Variants in PCYT1B observed in about 807,000 individuals in gnomAD.
PCYT1B encodes the protein phosphate cytidylyltransferase 1B, choline, also known as choline-phosphate cytidylyltransferase B.
In PCYT1B, 10 loss-of-function variants were observed where a neutral mutation model predicts 26.4. The ratio of observed to expected loss-of-function variants is 0.38; its 90% CI spans 0.23 to 0.64. The LOEUF (loss-of-function observed/expected upper bound fraction) is 0.64. PCYT1B is among the 30% of genes least tolerant of loss of function. The pLI, the probability that PCYT1B is intolerant of heterozygous loss-of-function variation, is 0.56. For synonymous variants in PCYT1B, 131 were observed against 108.4 expected, an observed-to-expected ratio of 1.21 and a Z score of -1.29; for missense variants, 161 against 292.7, an observed-to-expected ratio of 0.55 and a Z score of 3.28.
intron 5 of PCYT1B, among the ~76,000 whole-genome samples, chrX:24,580,530 T>C (rs1488336834): frequency 8.9e-6 from 1 of 112,151 alleles, no homozygotes; most frequent in Admixed American, 9.5e-5. Flanking sequence ...TCAAAGGCCC[T>C]TTCATCTAGA....
intron 1 of PCYT1B, among the ~76,000 whole-genome samples, chrX:24,629,588 AAAC>A (rs1285793683): frequency 1.2e-4 from 12 of 97,485 alleles, no homozygotes; most frequent in African/African-American, 2.8e-4. Flanking sequence ...AAAAAAAAAA[AAAC>A]AACACGTATT....
Position 24,562,020 on chromosome X carries a change from C to T in PCYT1B, c.*273G>A, listed in dbSNP as rs917899176. 9 of 1,085,537 alleles carry T rather than the reference C, an allele frequency of 8.3e-6. No homozygotes were observed. The highest frequency in any genetic ancestry group is 1.1e-5 in the Non-Finnish European group (9 of 784,701). The allele number at this position is 1,085,537 out of a possible 1,213,427, so 89.5% of individuals were successfully genotyped here. On this transcript the variant is annotated 3_prime_UTR_variant, in exon 8 of 8. Coordinates refer to ENST00000379144, the MANE Select transcript of PCYT1B (RefSeq NM_004845.5). ...CATCAGTGCAAGTCTCTCTAGGGAACTCTGCATCCTTCCTTAGCAAGGTTA... is the reference window on the plus strand; with the variant it reads ...CATCAGTGCAAGTCTCTCTAGGGAATTCTGCATCCTTCCTTAGCAAGGTTA...
rs758820882 is a variant in PCYT1B at position 24,624,246 on chromosome X, G to A, written c.118-5162C>T. Among the ~76,000 whole-genome samples the A allele has an allele frequency of 8.0e-5, 9 of 111,868 alleles. No individual in the cohort carries two copies. In the South Asian group the frequency reaches 1.1e-3, roughly 14 times the overall value. On this transcript the variant is annotated intron_variant, in intron 1 of 7. Transcript: ENST00000379144. ...GGCCTCCCAAAGTGCTGGGATTACAGGCATGAGCCACCGCGCCCGGCCAAG... is the reference window on the plus strand; with the variant it reads ...GGCCTCCCAAAGTGCTGGGATTACAAGCATGAGCCACCGCGCCCGGCCAAG...
intron 3 of PCYT1B, 77 bp downstream of exon 3, chrX:24,607,668 G>A (rs1985910152): frequency 1.9e-6 from 1 of 530,249 alleles, no homozygotes; most frequent in Non-Finnish European, 3.2e-6. Flanking sequence ...TTTTACTGAT[G>A]GAACTCTGAA....
intron 3 of PCYT1B, among the ~76,000 whole-genome samples, chrX:24,594,260 A>G (rs753917819): frequency 2.7e-5 from 3 of 111,538 alleles, no homozygotes; most frequent in Non-Finnish European, 5.6e-5. Flanking sequence ...AGGGACAGGT[A>G]GTAGGGCCAT....
Position 24,575,125 on chromosome X carries a change from C to T in PCYT1B, c.897+5G>A. On this transcript the variant is annotated splice_donor_5th_base_variant and intron_variant, in intron 7 of 7. Coordinates refer to ENST00000379144, the MANE Select transcript of PCYT1B (RefSeq NM_004845.5). The stretch of plus-strand genomic sequence containing the variant: ...ATTGTGGGGTAAAGTGAAATCATTA[C>T]ATACCCATGCTCCATCAGGTCCAAA... 1 of 1,169,121 alleles carries T rather than the reference C, an allele frequency of 8.6e-7. No individual in the cohort carries two copies. Among genetic ancestry groups the T allele is most frequent in the Non-Finnish European group, 1.1e-6 (1 of 872,595 alleles).
At chrX:24,661,049 CT>C (rs35384577) in intron 1 of PCYT1B, among the ~76,000 whole-genome samples, 2 of 111,383 alleles carry the variant, frequency 1.8e-5, no homozygotes, top group African/African-American at 6.5e-5. Flanking sequence ...TTATATTATC[CT>C]TTTTAAAAAA....
intron 3 of PCYT1B, among the ~76,000 whole-genome samples, chrX:24,602,261 A>G (rs1924992185): frequency 8.9e-6 from 1 of 112,327 alleles, no homozygotes; most frequent in Admixed American, 9.5e-5. Context: ...TACATGCTGT[A>G]TAATTCTAAT....
chrX:24,595,700 T>C (rs936122776), intron 3 of PCYT1B, among the ~76,000 whole-genome samples: 7 of 110,034 alleles, frequency 6.4e-5, no homozygotes, highest in African/African-American at 2.0e-4. Flanking sequence ...GCCAACATGG[T>C]GAAACCCCGT....
At chrX:24,602,361 T>C (rs184628214) in intron 3 of PCYT1B, among the ~76,000 whole-genome samples, 6 of 112,290 alleles carry the variant, frequency 5.3e-5, no homozygotes, top group South Asian at 3.7e-4. Flanking sequence ...AGGTAGAGCA[T>C]ATAGGATTTT....
intron 1 of PCYT1B, among the ~76,000 whole-genome samples, chrX:24,668,336 C>G (rs1007575324): frequency 4.5e-5 from 5 of 112,005 alleles, no homozygotes; most frequent in African/African-American, 1.6e-4. Context: ...ATCTCTTTCT[C>G]ACAGACAGGA....
At chrX:24,641,187 C>T (rs1281606987) in intron 1 of PCYT1B, among the ~76,000 whole-genome samples, 1 of 111,955 alleles carries the variant, frequency 8.9e-6, no homozygotes, top group East Asian at 2.8e-4. Flanking sequence ...ACCTGCCTCA[C>T]CTCCCAAAGT....
intron 4 of PCYT1B, among the ~76,000 whole-genome samples, chrX:24,588,737 C>T (rs1048792454): frequency 2.7e-5 from 3 of 111,329 alleles, no homozygotes; most frequent in African/African-American, 3.3e-5. Flanking sequence ...CACTAGAAGC[C>T]GGTAGCACCC....
Position 24,560,744 on chromosome X carries a change from T to C in PCYT1B, c.*1549A>G, listed in dbSNP as rs1923380399. ...CCCAAGGCCTCTGAAAAGGGGTATT[T>C]CTATCACAAGAGATTCTGGGCTCTG... On this transcript the variant is annotated 3_prime_UTR_variant, in exon 8 of 8. Transcript: ENST00000379144. 1 of 112,130 alleles carries C rather than the reference T, an allele frequency of 8.9e-6. No homozygotes were observed. Among genetic ancestry groups the C allele is most frequent in the Non-Finnish European group, 1.9e-5 (1 of 53,173 alleles). 9.2% of individuals were successfully genotyped at this position (112,130 alleles called of 1,213,427 possible). A position where few individuals can be genotyped will look rare whatever the true frequency, so the allele number is the denominator to read the frequency against.
At chrX:24,566,727 C>A (rs1057149157) in intron 7 of PCYT1B, among the ~76,000 whole-genome samples, 9 of 111,660 alleles carry the variant, frequency 8.1e-5, no homozygotes, top group African/African-American at 2.9e-4. Context: ...ACCAATAGCA[C>A]TGCCTGCCCC....
intron 1 of PCYT1B, among the ~76,000 whole-genome samples, chrX:24,656,772 T>G (rs1490510683): frequency 9.2e-6 from 1 of 108,927 alleles, no homozygotes; most frequent in Non-Finnish European, 1.9e-5. Flanking sequence ...CCTCAAGTGA[T>G]CCCCCAACCT....
At chrX:24,632,893 C>T (rs1475284510) in intron 1 of PCYT1B, among the ~76,000 whole-genome samples, 1 of 111,495 alleles carries the variant, frequency 9.0e-6, no homozygotes, top group Non-Finnish European at 1.9e-5. Context: ...TAGTTAACAA[C>T]AATGTATTAT....
chrX:24,569,387 G>A (rs916982415), intron 7 of PCYT1B, among the ~76,000 whole-genome samples: 4 of 111,109 alleles, frequency 3.6e-5, no homozygotes, highest in Non-Finnish European at 5.7e-5. Context: ...ACAGTAAGGC[G>A]GCTCCTCAAA....
At chrX:24,603,523 T>C (rs1362204027) in intron 3 of PCYT1B, among the ~76,000 whole-genome samples, 2 of 111,338 alleles carry the variant, frequency 1.8e-5, no homozygotes, top group African/African-American at 6.5e-5. Context: ...TTGAGACCAG[T>C]CTGGGCAACA....
Sources: gnomAD v4.1 joint callset for allele counts (sites outside exome capture counted in the v4.1 genomes callset) on GRCh38, gnomAD v4.1.1 for gene constraint, MANE v1.5 for transcripts, NCBI Gene and HGNC (gene_info 2026-07-23, HGNC 2026-07-21) for gene names.